PLA2G4C: variants seen among roughly 807,000 people sequenced by gnomAD.
PLA2G4C encodes phospholipase A2 group IVC.
PLA2G4C carries 64 observed loss-of-function variants against 73.8 expected under a neutral mutation model. The observed-to-expected ratio is 0.87, with a 90% CI of 0.71 to 1.07. The LOEUF (loss-of-function observed/expected upper bound fraction) is 1.07. Among genes scored for constraint, PLA2G4C ranks in the 50% least tolerant of loss-of-function variants. The pLI, the probability that PLA2G4C is intolerant of heterozygous loss-of-function variation, is 0.00. For missense variants in PLA2G4C, 622 were observed against 665.4 expected, an observed-to-expected ratio of 0.93 and a Z score of 0.72; for synonymous variants, 254 against 252.1, an observed-to-expected ratio of 1.01 and a Z score of -0.07.
intron 16 of PLA2G4C, 60 bp from the exon 17 acceptor site, chr19:48,048,448 G>C (rs959983915): frequency 2.6e-5 from 31 of 1,201,472 alleles, no homozygotes; most frequent in Non-Finnish European, 3.4e-5. Flanking sequence ...TTGCACACTG[G>C]ATAAGATTAG....
intron 9 of PLA2G4C, among the ~76,000 whole-genome samples, chr19:48,086,168 T>C (rs896348969): frequency 4.6e-5 from 7 of 152,086 alleles, no homozygotes; most frequent in African/African-American, 1.7e-4. Flanking sequence ...GGGAGGGGCA[T>C]GGCCTGAGAG....
At chr19:48,080,803 C>CAAAA (rs200460762) in intron 10 of PLA2G4C, among the ~76,000 whole-genome samples, 2,054 of 115,646 alleles carry the variant, frequency 0.018, 53 homozygotes, top group African/African-American at 0.064. Context: ...GACTCTGCCT[C>CAAAA]AAAAAAAAAA....
intron 11 of PLA2G4C, 86 bp from the exon 12 acceptor site, chr19:48,074,960 C>A: frequency 1.2e-5 from 10 of 859,310 alleles, no homozygotes; most frequent in Non-Finnish European, 1.8e-5. Flanking sequence ...TCATCTTCTG[C>A]AATGCCCTGC....
chr19:48,061,733 G>C (rs1178352752), intron 14 of PLA2G4C: 3 of 445,098 alleles, frequency 6.7e-6, no homozygotes, highest in Non-Finnish European at 1.2e-5. Context: ...TGAATGGGCA[G>C]GCAGGACGCA....
intron 4 of PLA2G4C, chr19:48,104,044 T>C (rs1879978785): frequency 1.3e-5 from 2 of 153,114 alleles, no homozygotes; most frequent in South Asian, 4.1e-4. Context: ...GCTGGGACCA[T>C]AGGCATGCAC....
In PLA2G4C at chr19:48,055,123, A is replaced by T. The variant is rs1967887970; in HGVS notation, c.1258-74T>A. 9.1e-6 allele frequency: 12 copies of T among 1,316,328 alleles called. No individual in the cohort carries two copies. In the South Asian group the frequency reaches 1.1e-4, roughly 12 times the overall value. 81.5% of individuals were successfully genotyped at this position (1,316,328 alleles called of 1,614,324 possible). A position where few individuals can be genotyped will look rare whatever the true frequency, so the allele number is the denominator to read the frequency against. ...CCTCCAGAAGACCCCTGGGGCCTGG[A>T]GACCCAATGGGACCTCAGCTAACAG... is the stretch of plus-strand genomic sequence containing the variant. On this transcript the variant is annotated intron_variant, in intron 14 of 16. Transcript: ENST00000599921.
intron 14 of PLA2G4C, 21 bp downstream of exon 14, chr19:48,061,977 C>T: frequency 1.2e-6 from 2 of 1,612,820 alleles, no homozygotes; most frequent in Non-Finnish European, 1.7e-6. Flanking sequence ...CAGGACCGGC[C>T]CCAAAGCCCT....
intron 12 of PLA2G4C, among the ~76,000 whole-genome samples, chr19:48,069,499 T>G (rs1325106943): frequency 6.6e-6 from 1 of 152,114 alleles, no homozygotes; most frequent in Non-Finnish European, 1.5e-5. Context: ...CACCAAGACC[T>G]GCCAATTCCA....
At position 48,106,771 on chromosome 19, in the gene PLA2G4C, C is replaced by T. The variant is rs946628223; in HGVS notation, c.-32-210G>A. ...AGGAGAATGGGAGAAATATTTCAAG[C>T]GCGTCTCTCTGAAAATTTGGAGGCT... On this transcript the variant is annotated intron_variant, in intron 1 of 16. Transcript: ENST00000599921. The T allele has an allele frequency of 6.9e-5, 39 of 561,768 alleles. No individual in the cohort carries two copies. The East Asian group carries it at 8.8e-4, about 13-fold the overall frequency. The allele number at this position is 561,768 out of a possible 1,614,324, so 34.8% of individuals were successfully genotyped here. A position where few individuals can be genotyped will look rare whatever the true frequency, so the allele number is the denominator to read the frequency against.
chr19:48,058,812 A>T (rs1047141572), intron 14 of PLA2G4C, among the ~76,000 whole-genome samples: 1 of 150,574 alleles, frequency 6.6e-6, no homozygotes, highest in African/African-American at 2.4e-5. Flanking sequence ...AGAAGACTCC[A>T]TCTCAAAAAA....
At chr19:48,106,397 GCT>G (rs749868054) in intron 2 of PLA2G4C, 123 bp downstream of exon 2, 440 of 799,258 alleles carry the variant, frequency 5.5e-4, no homozygotes, top group Non-Finnish European at 8.6e-4. Context: ...CCAACCTTCA[GCT>G]CTTTCCATCT....
At chr19:48,090,731 A>G (rs1364752727) in intron 7 of PLA2G4C, 3 of 340,090 alleles carry the variant, frequency 8.8e-6, no homozygotes, top group Non-Finnish European at 1.6e-5. Context: ...AACCCTTCTC[A>G]GCACACAGGC....
At chr19:48,098,345 T>TC in intron 5 of PLA2G4C, 86 bp from the exon 6 acceptor site, 1 of 1,289,646 alleles carries the variant, frequency 7.8e-7, no homozygotes, top group East Asian at 2.5e-5. Context: ...CATTTTTTTT[T>TC]AGAGGGGTCT....
At position 48,067,790 on chromosome 19, in the gene PLA2G4C, C is replaced by T. The variant is rs1968495166; in HGVS notation, c.1102+1G>A. The T allele has an allele frequency of 1.9e-6, 3 of 1,598,626 alleles. No individual in the cohort carries two copies. Among genetic ancestry groups the T allele is most frequent in the African/African-American group, 2.7e-5 (2 of 74,496 alleles). On this transcript the variant is annotated splice_donor_variant, in intron 13 of 16. Transcript: ENST00000599921. LOFTEE classifies it high-confidence loss of function. ...GGGCGGTGGGAAGAGGGTCTTCTCACCGTGTTTGTACAGGAAGTTGTGAGT... is the reference window on the plus strand; with the variant it reads ...GGGCGGTGGGAAGAGGGTCTTCTCATCGTGTTTGTACAGGAAGTTGTGAGT...
At chr19:48,070,011 T>C (rs12459367) in intron 12 of PLA2G4C, among the ~76,000 whole-genome samples, 39,692 of 151,732 alleles carry the variant, frequency 0.26, 5,490 homozygotes, top group East Asian at 0.51. Flanking sequence ...CTCAGGTGAT[T>C]CACCCACTTC....
At chr19:48,073,433 A>G (rs2029926514) in intron 12 of PLA2G4C, among the ~76,000 whole-genome samples, 1 of 151,908 alleles carries the variant, frequency 6.6e-6, no homozygotes, top group Non-Finnish European at 1.5e-5. Flanking sequence ...CCTCTAGACC[A>G]TGAGTCCTCC....
chr19:48,084,603 C>T (rs542040794), intron 10 of PLA2G4C, among the ~76,000 whole-genome samples: 3 of 152,270 alleles, frequency 2.0e-5, no homozygotes, highest in Admixed American at 2.0e-4. Context: ...TCAAATGATC[C>T]GCCCGCCTTA....
intron 14 of PLA2G4C, 34 bp from the exon 15 acceptor site, chr19:48,055,083 CCT>C (rs908101401): frequency 6.5e-7 from 1 of 1,546,734 alleles, no homozygotes; most frequent in Admixed American, 1.9e-5. Context: ...GGTTGCAAGA[CCT>C]CTCCAGAAGA....
At position 48,048,007 on chromosome 19, in the gene PLA2G4C, G is replaced by A. The variant is rs1967586801; in HGVS notation, c.*336C>T. 3.0e-6 allele frequency: 1 copy of A among 328,334 alleles called. No individual in the cohort carries two copies. Among genetic ancestry groups the A allele is most frequent in the Non-Finnish European group, 5.5e-6 (1 of 180,908 alleles). The allele number at this position is 328,334 out of a possible 1,614,324, so 20.3% of individuals were successfully genotyped here. On this transcript the variant is annotated 3_prime_UTR_variant, in exon 17 of 17. Coordinates refer to ENST00000599921, the MANE Select transcript of PLA2G4C (RefSeq NM_003706.3). The stretch of plus-strand genomic sequence containing the variant: ...GAAGTGCAGTCATAAAGGAGCAGTG[G>A]AAGGCATTGGTCTGAACTATCACAT...
Sources: gnomAD v4.1 joint callset for allele counts (sites outside exome capture counted in the v4.1 genomes callset) on GRCh38, gnomAD v4.1.1 for gene constraint, MANE v1.5 for transcripts, NCBI Gene and HGNC (gene_info 2026-07-23, HGNC 2026-07-21) for gene names.